Variants in ZNF829 observed in about 807,000 individuals in gnomAD.
ZNF829 encodes the protein zinc finger protein 829.
ZNF829 carries 25 observed loss-of-function variants against 35.2 expected under a neutral mutation model. The ratio of observed to expected loss-of-function variants is 0.71; its 90% CI spans 0.52 to 0.99. ZNF829 has a LOEUF of 0.99. Ranked by LOEUF, ZNF829 falls within the 50% of genes least tolerant of loss-of-function variation. The probability of loss-of-function intolerance (pLI) is 0.00; values close to 1 mark genes in which losing one functional copy is unlikely to be tolerated. For synonymous variants in ZNF829, 136 were observed against 163.2 expected (o/e 0.83, Z 1.27); for missense variants, 417 against 515.3 (o/e 0.81, Z 1.85).
At chr19:36,898,504 GA>G (rs1476768997) in intron 5 of ZNF829, among the ~76,000 whole-genome samples, 1 of 151,746 alleles carries the variant, frequency 6.6e-6, no homozygotes, top group African/African-American at 2.4e-5. Flanking sequence ...ACATGAACAG[GA>G]AAAAAAATCC....
chr19:36,902,583 T>C (rs1019193530), intron 5 of ZNF829, among the ~76,000 whole-genome samples: 1 of 150,310 alleles, frequency 6.7e-6, no homozygotes, highest in Admixed American at 6.6e-5. Context: ...GTGGTGGAGG[T>C]TGTAGTGAGC....
At chr19:36,903,398 T>C (rs999318043) in intron 5 of ZNF829, among the ~76,000 whole-genome samples, 4 of 152,174 alleles carry the variant, frequency 2.6e-5, no homozygotes, top group African/African-American at 9.7e-5. Flanking sequence ...CAAAAGGGCA[T>C]TTCTGTCCTT....
At chr19:36,900,673 C>A (rs1301264233) in intron 5 of ZNF829, among the ~76,000 whole-genome samples, 1 of 151,768 alleles carries the variant, frequency 6.6e-6, no homozygotes, top group Non-Finnish European at 1.5e-5. Flanking sequence ...CATGTTGAAA[C>A]CTCATCTCTA....
chr19:36,907,409 A>G (rs962307717), intron 5 of ZNF829: 1 of 152,492 alleles, frequency 6.6e-6, no homozygotes, highest in East Asian at 1.9e-4. Context: ...GTAATGTTCT[A>G]TTTATCGTCC....
At chr19:36,907,194 A>G (rs1212617582) in intron 5 of ZNF829, 1 of 151,620 alleles carries the variant, frequency 6.6e-6, no homozygotes, top group Non-Finnish European at 1.5e-5. Flanking sequence ...AGATATATGC[A>G]GCACCATAGA....
chr19:36,899,402 G>A (rs2073142221), intron 5 of ZNF829, among the ~76,000 whole-genome samples: 1 of 151,912 alleles, frequency 6.6e-6, no homozygotes, highest in African/African-American at 2.4e-5. Flanking sequence ...CTGTGATCAG[G>A]CCACTGCACT....
At chr19:36,912,077 A>G (rs2073269098) in intron 3 of ZNF829, among the ~76,000 whole-genome samples, 1 of 152,210 alleles carries the variant, frequency 6.6e-6, no homozygotes, top group African/African-American at 2.4e-5. Flanking sequence ...CCCTGCTCTA[A>G]TCTCATAGGA....
In ZNF829 at chr19:36,916,243, G is replaced by A. The variant is rs975632380; in HGVS notation, c.-317C>T. Reference sequence around the variant, plus strand: ...CTGCGCAATGGAGATGAGCCTCCCGGGGAACCCGGCCCAAGCCTCACCCTC... The same window carrying A: ...CTGCGCAATGGAGATGAGCCTCCCGAGGAACCCGGCCCAAGCCTCACCCTC... On this transcript the variant is annotated 5_prime_UTR_variant, in exon 1 of 6. Coordinates refer to ENST00000391711, the MANE Select transcript of ZNF829 (RefSeq NM_001037232.4). The surrounding 1 kb of genome is among the most constrained non-coding windows in gnomAD (Gnocchi z 5.3). 2.9e-6 allele frequency: 1 copy of A among 349,844 alleles called. No homozygotes were observed. The highest frequency in any genetic ancestry group is 2.1e-5 in the African/African-American group (1 of 46,880). 21.7% of individuals were successfully genotyped at this position (349,844 alleles called of 1,614,324 possible). A position where few individuals can be genotyped will look rare whatever the true frequency, so the allele number is the denominator to read the frequency against.
chr19:36,902,662 A>G (rs2073179171), intron 5 of ZNF829, among the ~76,000 whole-genome samples: 1 of 151,822 alleles, frequency 6.6e-6, no homozygotes, highest in Non-Finnish European at 1.5e-5. Flanking sequence ...AATAAAATAA[A>G]ATAAAATAAA....
At chr19:36,903,567 C>T (rs1335649721) in intron 5 of ZNF829, among the ~76,000 whole-genome samples, 1 of 152,032 alleles carries the variant, frequency 6.6e-6, no homozygotes, top group Admixed American at 6.5e-5. Context: ...ATAATCATAA[C>T]AGAAATGTAA....
chr19:36,915,157 G>A lies in ZNF829; in HGVS notation c.11C>T (p.Ser4Phe). The change falls in exon 2 of 6, where the codon TCT becomes TTT. Residue 4 changes from serine (S) to phenylalanine (F), a missense_variant. Transcript: ENST00000391711. The stretch of plus-strand genomic sequence containing the variant: ...CACATGAGGAATGGAGATCAGAGGA[G>A]AATGGGGCATTCTGTCCAATTCCAG... MPH[S>F]PLISIPHVWC... The A allele has an allele frequency of 1.2e-6, 2 of 1,614,168 alleles. No homozygotes were observed. The highest frequency in any genetic ancestry group is 1.7e-6 in the Non-Finnish European group (2 of 1,180,020).
At chr19:36,900,901 T>C (rs1472373629) in intron 5 of ZNF829, among the ~76,000 whole-genome samples, 1 of 149,762 alleles carries the variant, frequency 6.7e-6, no homozygotes, top group African/African-American at 2.5e-5. Flanking sequence ...GTGGAGAAAC[T>C]GGAACCATCA....
chr19:36,915,926 G>C (rs1205438457), intron 1 of ZNF829, 85 bp downstream of exon 1: 1 of 1,535,880 alleles, frequency 6.5e-7, no homozygotes, highest in Non-Finnish European at 8.7e-7. Flanking sequence ...TCGGTCTTCG[G>C]TATCCTCACC....
Position 36,889,630 on chromosome 19 carries a change from TATC to T in ZNF829, c.*1859_*1861del, listed in dbSNP as rs2073031775. 6.6e-6 allele frequency: 1 copy of T among 152,226 alleles called. No individual in the cohort carries two copies. 9.4% of individuals were successfully genotyped at this position (152,226 alleles called of 1,614,324 possible). On this transcript the variant is annotated 3_prime_UTR_variant, in exon 6 of 6. Coordinates refer to ENST00000391711, the MANE Select transcript of ZNF829 (RefSeq NM_001037232.4). The stretch of plus-strand genomic sequence containing the variant: ...TGTGTTATCAGTTATAATATCACCT[TATC>T]ATTTCTGATTGTATTTATTTGAATC...
chr19:36,898,753 A>T (rs182188007), intron 5 of ZNF829, among the ~76,000 whole-genome samples: 151 of 152,294 alleles, frequency 9.9e-4, no homozygotes, highest in African/African-American at 3.5e-3. Flanking sequence ...AGACATAGGG[A>T]AAAGGACACG....
intron 5 of ZNF829, among the ~76,000 whole-genome samples, chr19:36,904,144 A>T (rs2073195482): frequency 1.3e-5 from 2 of 152,220 alleles, no homozygotes; most frequent in Admixed American, 6.5e-5. Flanking sequence ...TGTAATCAGG[A>T]TATAAACTAT....
At chr19:36,909,208 C>T (rs2073243144) in intron 3 of ZNF829, among the ~76,000 whole-genome samples, 2 of 152,028 alleles carry the variant, frequency 1.3e-5, no homozygotes, top group Non-Finnish European at 2.9e-5. Context: ...AGAACAGCAT[C>T]TAGGAACAGA....
chr19:36,909,311 A>G (rs2073243788), intron 3 of ZNF829, among the ~76,000 whole-genome samples: 1 of 152,216 alleles, frequency 6.6e-6, no homozygotes, highest in Admixed American at 6.5e-5. Context: ...AACTGACAGC[A>G]ATGTTAGAGA....
At chr19:36,908,163 G>T in intron 4 of ZNF829, 139 bp from the exon 5 acceptor site, 1 of 1,160,296 alleles carries the variant, frequency 8.6e-7, no homozygotes. Context: ...TTCAGCCACA[G>T]CCCATTGGAG....
Sources: allele counts gnomAD v4.1 joint callset (sites outside exome capture counted in the v4.1 genomes callset), GRCh38; gene constraint gnomAD v4.1.1; non-coding constraint Gnocchi (gnomAD v3.1); transcripts MANE v1.5; gene names NCBI Gene and HGNC (gene_info 2026-07-23, HGNC 2026-07-21).